PSD3: variants seen among roughly 807,000 people sequenced by gnomAD.
The protein encoded by PSD3 is PH and SEC7 domain-containing protein 3.
In PSD3, 49 loss-of-function variants were observed where a neutral mutation model predicts 105.5. The observed-to-expected ratio is 0.46, with a 90% CI of 0.37 to 0.59. PSD3 has a LOEUF of 0.59. PSD3 is among the 20% of genes least tolerant of loss of function. The pLI is 0.00. For synonymous variants in PSD3, 557 were observed against 457.8 expected (o/e 1.22, Z -2.77); for missense variants, 1,561 against 1,263.8 (o/e 1.24, Z -3.57).
At chr8:19,032,204 T>G (rs559369169) in intron 1 of PSD3, among the ~76,000 whole-genome samples, 17 of 152,206 alleles carry the variant, frequency 1.1e-4, no homozygotes, top group Non-Finnish European at 2.2e-4. Flanking sequence ...ACATAAAGTT[T>G]GTTGAGGAAT....
intron 12 of PSD3, among the ~76,000 whole-genome samples, chr8:18,577,314 T>C (rs574243787): frequency 2.6e-5 from 4 of 152,184 alleles, no homozygotes; most frequent in African/African-American, 9.6e-5. Context: ...GTTTTTCTTG[T>C]GGCCAATCAC....
chr8:18,796,880 T>C (rs192520619), intron 8 of PSD3, among the ~76,000 whole-genome samples: 156 of 152,296 alleles, frequency 1.0e-3, no homozygotes, highest in Middle Eastern at 3.4e-3. Flanking sequence ...CTAGGTAGTA[T>C]AGCATTAAGG....
intron 1 of PSD3, among the ~76,000 whole-genome samples, chr8:19,046,323 G>A (rs1289740411): frequency 6.6e-6 from 1 of 152,122 alleles, no homozygotes; most frequent in Admixed American, 6.5e-5. Context: ...TATTGGCCAG[G>A]ATAGTCTCGA....
At chr8:18,717,218 T>C (rs1802656137) in intron 9 of PSD3, among the ~76,000 whole-genome samples, 1 of 152,120 alleles carries the variant, frequency 6.6e-6, no homozygotes, top group Non-Finnish European at 1.5e-5. Flanking sequence ...ATTAACCAAA[T>C]TACGTTTATT....
intron 1 of PSD3, among the ~76,000 whole-genome samples, chr8:18,986,362 G>C (rs1343344070): frequency 6.6e-6 from 1 of 151,976 alleles, no homozygotes; most frequent in African/African-American, 2.4e-5. Flanking sequence ...CAAATACTGG[G>C]TACCTCATAT....
intron 9 of PSD3, among the ~76,000 whole-genome samples, chr8:18,756,281 C>T (rs184473655): frequency 6.6e-5 from 10 of 152,216 alleles, no homozygotes; most frequent in East Asian, 3.9e-4. Flanking sequence ...GAATATAACT[C>T]AGATCAAGTA....
intron 2 of PSD3, among the ~76,000 whole-genome samples, chr8:18,888,667 CT>C (rs1818588745): frequency 6.6e-6 from 1 of 152,104 alleles, no homozygotes; most frequent in African/African-American, 2.4e-5. Context: ...CACTTCTTCC[CT>C]TTTCAAAATC....
At chr8:18,984,806 G>A (rs1825419968) in intron 1 of PSD3, among the ~76,000 whole-genome samples, 1 of 152,206 alleles carries the variant, frequency 6.6e-6, no homozygotes. Flanking sequence ...GTACGGCCAA[G>A]CTGCAGTGCA....
At chr8:18,602,200 A>C (rs1804488311) in intron 11 of PSD3, among the ~76,000 whole-genome samples, 1 of 152,162 alleles carries the variant, frequency 6.6e-6, no homozygotes, top group Non-Finnish European at 1.5e-5. Context: ...TAGTTCAAAA[A>C]TCTACACATC....
chr8:18,968,624 C>A (rs1160612793), intron 1 of PSD3, among the ~76,000 whole-genome samples: 1 of 152,192 alleles, frequency 6.6e-6, no homozygotes, highest in East Asian at 1.9e-4. Context: ...CGCCTGTAAT[C>A]CCAGCACTTT....
chr8:19,004,028 G>C (rs897099677), intron 1 of PSD3, among the ~76,000 whole-genome samples: 4 of 151,982 alleles, frequency 2.6e-5, no homozygotes, highest in African/African-American at 9.7e-5. Context: ...AGAATCTTCA[G>C]GCAGCCCTAG....
At chr8:19,060,393 G>A (rs1472227437) in intron 1 of PSD3, among the ~76,000 whole-genome samples, 1 of 152,068 alleles carries the variant, frequency 6.6e-6, no homozygotes, top group African/African-American at 2.4e-5. Flanking sequence ...AACCACAGAG[G>A]TCTATAGATC....
chr8:18,582,283 T>C (rs1178535857), intron 12 of PSD3, among the ~76,000 whole-genome samples: 1 of 152,184 alleles, frequency 6.6e-6, no homozygotes, highest in Admixed American at 6.5e-5. Context: ...GAAACTGCTT[T>C]ATCGATAATT....
At chr8:18,544,926 C>A (rs914499961) in intron 15 of PSD3, among the ~76,000 whole-genome samples, 5 of 152,162 alleles carry the variant, frequency 3.3e-5, no homozygotes, top group Non-Finnish European at 5.9e-5. Flanking sequence ...CTCCCCACCT[C>A]CAGGCCCTGC....
At chr8:18,556,123 G>A in intron 15 of PSD3, 86 bp downstream of exon 15, 1 of 1,468,684 alleles carries the variant, frequency 6.8e-7, no homozygotes, top group Non-Finnish European at 9.2e-7. Context: ...CTCTCTCAGT[G>A]ACACTGCAAA....
chr8:18,900,472 T>G (rs993275340), intron 2 of PSD3, among the ~76,000 whole-genome samples: 9 of 152,124 alleles, frequency 5.9e-5, no homozygotes, highest in African/African-American at 2.2e-4. Flanking sequence ...TCAATCCATT[T>G]GGTACATATC....
At chr8:18,614,127 G>A (rs977070127) in intron 11 of PSD3, among the ~76,000 whole-genome samples, 7 of 152,118 alleles carry the variant, frequency 4.6e-5, no homozygotes, top group Admixed American at 6.5e-5. Context: ...GCCTCATCCT[G>A]GGGTTTCCTC....
chr8:18,920,833 A>G (rs1820963350), intron 2 of PSD3, among the ~76,000 whole-genome samples: 1 of 152,114 alleles, frequency 6.6e-6, no homozygotes. Context: ...AATCACTGTG[A>G]TAACTAAAAA....
intron 9 of PSD3, among the ~76,000 whole-genome samples, chr8:18,677,659 C>A (rs375585277): frequency 6.6e-6 from 1 of 152,156 alleles, no homozygotes; most frequent in Non-Finnish European, 1.5e-5. Flanking sequence ...AGAACTACGT[C>A]CCTGAAGAAG....
Sources: allele counts gnomAD v4.1 joint callset (sites outside exome capture counted in the v4.1 genomes callset), GRCh38; gene constraint gnomAD v4.1.1; transcripts MANE v1.5; gene names NCBI Gene and HGNC (gene_info 2026-07-23, HGNC 2026-07-21).